ANKS1B: variants seen among roughly 807,000 people sequenced by gnomAD.
ANKS1B encodes the protein ankyrin repeat and sterile alpha motif domain-containing protein 1B.
Under a neutral mutation model 148.3 loss-of-function variants are expected in ANKS1B, and 36 were observed. The observed-to-expected ratio is 0.24, with a 90% CI of 0.19 to 0.32. The LOEUF is 0.32. Among genes scored for constraint, ANKS1B ranks in the 10% least tolerant of loss-of-function variants. The pLI is 1.00. For missense variants in ANKS1B, 1,157 were observed against 1,542.6 expected (o/e 0.75, Z 4.19); for synonymous variants, 542 against 560.8 (o/e 0.97, Z 0.47).
At chr12:98,969,958 A>G (rs1427369339) in intron 17 of ANKS1B, among the ~76,000 whole-genome samples, 1 of 152,242 alleles carries the variant, frequency 6.6e-6, no homozygotes, top group Non-Finnish European at 1.5e-5. Context: ...ACATAAGTAG[A>G]GATTTGAAAT....
chr12:99,414,060 A>G (rs2094812026), intron 11 of ANKS1B, among the ~76,000 whole-genome samples: 1 of 151,628 alleles, frequency 6.6e-6, no homozygotes, highest in Non-Finnish European at 1.5e-5. Flanking sequence ...GTTGCTCTTG[A>G]GCCCTTCTCT....
intron 14 of ANKS1B, among the ~76,000 whole-genome samples, chr12:99,243,644 T>C (rs2089763858): frequency 6.6e-6 from 1 of 152,162 alleles, no homozygotes; most frequent in South Asian, 2.1e-4. Flanking sequence ...CCACCAGTGA[T>C]AGACTGGATT....
chr12:98,895,100 G>A (rs1439534228), intron 17 of ANKS1B: 23 of 981,902 alleles, frequency 2.3e-5, no homozygotes, highest in African/African-American at 3.5e-5. Context: ...AGGCGGGGGG[G>A]AGGTGTCGGC....
intron 17 of ANKS1B, among the ~76,000 whole-genome samples, chr12:98,869,564 A>G (rs2099642689): frequency 6.6e-6 from 1 of 152,100 alleles, no homozygotes; most frequent in African/African-American, 2.4e-5. Flanking sequence ...CTGGAACCCT[A>G]GAGGCTTCCA....
At chr12:99,313,088 G>C (rs1438163573) in intron 12 of ANKS1B, among the ~76,000 whole-genome samples, 1 of 152,014 alleles carries the variant, frequency 6.6e-6, no homozygotes, top group East Asian at 1.9e-4. Context: ...TGATAAAGGG[G>C]ATATCACCAC....
At chr12:98,815,000 A>G (rs140865455) in intron 19 of ANKS1B, among the ~76,000 whole-genome samples, 362 of 152,306 alleles carry the variant, frequency 2.4e-3, no homozygotes, top group African/African-American at 8.2e-3. Context: ...AATACAACAC[A>G]ACTGCATTCA....
intron 4 of ANKS1B, among the ~76,000 whole-genome samples, chr12:99,784,412 T>C (rs1461733195): frequency 6.6e-6 from 1 of 152,132 alleles, no homozygotes; most frequent in African/African-American, 2.4e-5. Context: ...GACCTCATGA[T>C]CCACCCGTCT....
chr12:99,508,936 C>T (rs1415103410), intron 9 of ANKS1B, among the ~76,000 whole-genome samples: 1 of 151,794 alleles, frequency 6.6e-6, no homozygotes, highest in Non-Finnish European at 1.5e-5. Flanking sequence ...CTATCAGCAC[C>T]ATTTTTCCAA....
rs940868499 is a variant in ANKS1B, at chr12:99,035,700, A to C, written c.2778+17457T>G. On this transcript the variant is annotated intron_variant, in intron 17 of 26. Coordinates refer to ENST00000683438, the MANE Select transcript of ANKS1B (RefSeq NM_001352186.2). ...CAACAAAGGAGAAGGACGGAGATGC[A>C]TGTAAAGCGGTCCAGGCAGAGGGAA... 2.6e-5 allele frequency among the ~76,000 whole-genome samples: 4 copies of C among 152,208 alleles called. No homozygotes were observed. The South Asian group carries it at 8.3e-4, about 32-fold the overall frequency.
In ANKS1B at chr12:99,775,627, G is replaced by C; in HGVS notation, c.882C>G (p.Leu294=). 6.2e-7 allele frequency: 1 copy of C among 1,611,540 alleles called. No individual in the cohort carries two copies. The highest frequency in any genetic ancestry group is 8.5e-7 in the Non-Finnish European group (1 of 1,178,262). The change falls in exon 7 of 27, where the codon CTC becomes CTG. Residue 294 remains leucine (L), a synonymous_variant. Coordinates refer to ENST00000683438, the MANE Select transcript of ANKS1B (RefSeq NM_001352186.2). The part of the protein sequence containing the change: ...YLEGVGRSTV[L]EEPVQEDATQ... ...TTGCATCTTCCTGTACAGGCTCTTC[G>C]AGGACTGTAGATCTTCCCACGCCTT...
At chr12:99,307,996 G>A (rs1224641386) in intron 12 of ANKS1B, among the ~76,000 whole-genome samples, 1 of 152,006 alleles carries the variant, frequency 6.6e-6, no homozygotes, top group East Asian at 1.9e-4. Flanking sequence ...CATCAAATAA[G>A]CCTTGTTCTC....
chr12:99,304,694 C>T (rs1001769255), intron 12 of ANKS1B, among the ~76,000 whole-genome samples: 1 of 152,038 alleles, frequency 6.6e-6, no homozygotes, highest in Admixed American at 6.6e-5. Flanking sequence ...TGAGAATTGC[C>T]TAGCTTTCTG....
intron 12 of ANKS1B, among the ~76,000 whole-genome samples, chr12:99,399,151 A>G (rs1221909473): frequency 2.0e-5 from 3 of 151,988 alleles, no homozygotes; most frequent in Non-Finnish European, 4.4e-5. Context: ...TATTTTTCTT[A>G]ATCTTACCCT....
Position 99,730,411 on chromosome 12 carries a change from G to A in ANKS1B, c.1128+42511C>T, listed in dbSNP as rs142819578. Among the ~76,000 whole-genome samples, 642 of 152,210 alleles carry A rather than the reference G, an allele frequency of 4.2e-3. 3 individuals are homozygous for A. Among genetic ancestry groups the A allele is most frequent in the African/African-American group, 0.014 (568 of 41,522 alleles). ...ACTTTAAGAGCTGAGTGCTCATTGGGGGCCAGAGAGGGTAGAAGATGAACA... is the reference window on the plus strand; with the variant it reads ...ACTTTAAGAGCTGAGTGCTCATTGGAGGCCAGAGAGGGTAGAAGATGAACA... On this transcript the variant is annotated intron_variant, in intron 8 of 26. Transcript: ENST00000683438.
chr12:98,829,502 T>C lies in ANKS1B; in HGVS notation c.2887-149A>G, dbSNP rs1283225327. ...GAATGAATGACATTCCACCACTTTATTAATGGCATGATCTAGTCAATACGT... is the reference window on the plus strand; with the variant it reads ...GAATGAATGACATTCCACCACTTTACTAATGGCATGATCTAGTCAATACGT... On this transcript the variant is annotated intron_variant, in intron 18 of 26. Coordinates refer to ENST00000683438, the MANE Select transcript of ANKS1B (RefSeq NM_001352186.2). The surrounding 1 kb of genome is among the most constrained non-coding windows in gnomAD (Gnocchi z 5.2). 4.2e-6 allele frequency: 3 copies of C among 712,484 alleles called. No homozygotes were observed. Among genetic ancestry groups the C allele is most frequent in the Non-Finnish European group, 4.7e-6 (2 of 427,446 alleles). The allele number at this position is 712,484 out of a possible 1,614,324, so 44.1% of individuals were successfully genotyped here. A position where few individuals can be genotyped will look rare whatever the true frequency, so the allele number is the denominator to read the frequency against.
rs115643820 is a variant in ANKS1B, at chr12:99,515,129, A to C, written c.1273-10488T>G. Among the ~76,000 whole-genome samples, 538 of 152,142 alleles carry C rather than the reference A, an allele frequency of 3.5e-3. 4 individuals are homozygous for C. Among genetic ancestry groups the C allele is most frequent in the African/African-American group, 0.013 (527 of 41,506 alleles). On this transcript the variant is annotated intron_variant, in intron 9 of 26. Transcript: ENST00000683438. The stretch of plus-strand genomic sequence containing the variant: ...ATATGTAATAATTACATCATGGAAA[A>C]TGGGGTATCCATCCCTTCAAGCATT...
At chr12:99,847,225 C>A (rs1360145094) in intron 1 of ANKS1B, among the ~76,000 whole-genome samples, 1 of 151,956 alleles carries the variant, frequency 6.6e-6, no homozygotes, top group Non-Finnish European at 1.5e-5. Flanking sequence ...CCCACCTCAT[C>A]CTCCTGAGTA....
At chr12:98,773,251 C>G in intron 24 of ANKS1B, 72 bp from the exon 25 acceptor site, 1 of 1,502,032 alleles carries the variant, frequency 6.7e-7, no homozygotes, top group South Asian at 1.4e-5. Flanking sequence ...AGACAAGTAA[C>G]CCAGGAAGCA....
chr12:99,453,114 C>A (rs1300794932), intron 10 of ANKS1B, among the ~76,000 whole-genome samples: 1 of 151,976 alleles, frequency 6.6e-6, no homozygotes, highest in Non-Finnish European at 1.5e-5. Flanking sequence ...CATGGTGAAA[C>A]CCCGTCTCTA....
Sources: gnomAD v4.1 joint callset for allele counts (sites outside exome capture counted in the v4.1 genomes callset) on GRCh38, gnomAD v4.1.1 for gene constraint, Gnocchi (gnomAD v3.1) non-coding constraint, MANE v1.5 for transcripts, NCBI Gene and HGNC (gene_info 2026-07-23, HGNC 2026-07-21) for gene names.